PRDM11: variants seen among roughly 807,000 people sequenced by gnomAD.
PRDM11 encodes the protein PR domain-containing protein 11.
Under a neutral mutation model 97.8 loss-of-function variants are expected in PRDM11, and 20 were observed. The ratio of observed to expected loss-of-function variants is 0.20; its 90% confidence interval spans 0.14 to 0.30. The LOEUF (loss-of-function observed/expected upper bound fraction) is 0.30, where lower values mean the gene tolerates loss of function less well. PRDM11 is among the 10% of genes least tolerant of loss of function. The probability of loss-of-function intolerance (pLI) is 1.00; values close to 1 mark genes in which losing one functional copy is unlikely to be tolerated. For synonymous variants in PRDM11, 599 were observed against 637.7 expected (o/e 0.94, Z 0.91); for missense variants, 1,139 against 1,555.2 (o/e 0.73, Z 4.50).
intron 5 of PRDM11, chr11:45,212,786 G>A: frequency 2.2e-6 from 1 of 456,320 alleles, no homozygotes. Flanking sequence ...CGTGCACCGG[G>A]ACATGGCCAA....
intron 1 of PRDM11, among the ~76,000 whole-genome samples, chr11:45,122,202 G>GAC (rs756403475): frequency 0.023 from 3,395 of 145,082 alleles, 114 homozygotes; most frequent in East Asian, 0.071. Context: ...CACACACACA[G>GAC]ACACACACAC....
chr11:45,106,005 C>G (rs945328581), intron 1 of PRDM11, among the ~76,000 whole-genome samples: 1 of 152,206 alleles, frequency 6.6e-6, no homozygotes, highest in Admixed American at 6.5e-5. Flanking sequence ...TTTGCAAACT[C>G]AAATGTGCAA....
At chr11:45,193,740 C>A (rs562706811) in intron 4 of PRDM11, among the ~76,000 whole-genome samples, 1 of 152,190 alleles carries the variant, frequency 6.6e-6, no homozygotes, top group Non-Finnish European at 1.5e-5. Flanking sequence ...TGACATAGAA[C>A]GACAATCATT....
intron 4 of PRDM11, among the ~76,000 whole-genome samples, chr11:45,185,333 C>T (rs972744306): frequency 1.3e-5 from 2 of 152,166 alleles, no homozygotes; most frequent in African/African-American, 4.8e-5. Context: ...TTACAATGGA[C>T]AGAATAGTCC....
At chr11:45,162,766 C>T (rs1031102544) in intron 1 of PRDM11, among the ~76,000 whole-genome samples, 1 of 152,194 alleles carries the variant, frequency 6.6e-6, no homozygotes, top group African/African-American at 2.4e-5. Flanking sequence ...TATAAAGCCT[C>T]TGATGGTCGG....
intron 1 of PRDM11, 72 bp from the exon 2 acceptor site, chr11:45,181,689 C>T: frequency 7.5e-7 from 1 of 1,334,792 alleles, no homozygotes; most frequent in East Asian, 2.4e-5. Flanking sequence ...CACTTGCCCT[C>T]TCCGCCGCTC....
Position 45,227,151 on chromosome 11 carries a change from C to T in PRDM11, c.2526C>T (p.Tyr842=). ...TCCTCAACGCTCTCATCAAGGACTA[C>T]CTGGAGGTGGTGGCCCATCTCAAGG... The part of the protein sequence containing the change: ...QNVLNALIKD[Y]LEVVAHLKEV... Residue 842 remains tyrosine, a synonymous_variant, in exon 8 of 8, where the codon TAC becomes TAT. Transcript: ENST00000683152. This position sits in a 1 kb window ranked among gnomAD's most constrained non-coding sequence, Gnocchi z 8.0. The T allele has an allele frequency of 6.5e-7, 1 of 1,533,972 alleles. No individual in the cohort carries two copies. Among genetic ancestry groups the T allele is most frequent in the Non-Finnish European group, 8.7e-7 (1 of 1,146,728 alleles).
rs745677490 is a variant in PRDM11, at chr11:45,224,794, C to T, written c.1320C>T (p.Pro440=). ...AGTCTGGGAAACTTCCTGAGCCCCC[C>T]GTATTGCCACCACAGGTACTGGAGC... ...MLKSGKLPEP[P]VLPPQVLELP... Residue 440 remains proline, a synonymous_variant, in exon 7 of 8, where the codon CCC becomes CCT. Transcript: ENST00000683152. 24 of 1,614,070 alleles carry T rather than the reference C, an allele frequency of 1.5e-5. No individual in the cohort carries two copies. Among genetic ancestry groups the T allele is most frequent in the South Asian group, 8.8e-5 (8 of 91,090 alleles).
In PRDM11 at chr11:45,226,213, C is replaced by T; in HGVS notation, c.1588C>T (p.His530Tyr). The change falls in exon 8 of 8, where the codon CAC becomes TAC. Residue 530 changes from histidine (H) to tyrosine (Y), a missense_variant. Around this residue, in one of 2 missense-constraint regions of PRDM11, gnomAD observed 710 missense variants for 1,044.9 expected, o/e 0.68. Transcript: ENST00000683152. ...YSPTLNEMWCHVCRQYTVQSS... is the reference protein window; with the variant it reads ...YSPTLNEMWCYVCRQYTVQSS... ...CCCAACCCTCAATGAGATGTGGTGC[C>T]ACGTCTGCCGCCAGTACACGGTGCA... 1 of 1,533,858 alleles carries T rather than the reference C, an allele frequency of 6.5e-7. No homozygotes were observed. The highest frequency in any genetic ancestry group is 8.7e-7 in the Non-Finnish European group (1 of 1,146,640).
chr11:45,107,506 T>C (rs1852082520), intron 1 of PRDM11, among the ~76,000 whole-genome samples: 1 of 152,160 alleles, frequency 6.6e-6, no homozygotes, highest in African/African-American at 2.4e-5. Context: ...GAATGTCAAA[T>C]GTGGACAACT....
At chr11:45,225,058 C>T in intron 7 of PRDM11, 1 of 1,440,550 alleles carries the variant, frequency 6.9e-7, no homozygotes, top group Non-Finnish European at 9.1e-7. Flanking sequence ...GCCCTTGTAT[C>T]CTCCTTGTCA....
chr11:45,114,109 T>C (rs959102563), intron 1 of PRDM11, among the ~76,000 whole-genome samples: 9 of 152,054 alleles, frequency 5.9e-5, no homozygotes, highest in Admixed American at 3.3e-4. Flanking sequence ...GGAAGTGCAA[T>C]AGAACCACTC....
At chr11:45,139,138 C>G (rs1852940142) in intron 1 of PRDM11, among the ~76,000 whole-genome samples, 1 of 152,168 alleles carries the variant, frequency 6.6e-6, no homozygotes, top group Non-Finnish European at 1.5e-5. Context: ...AGTTGCAGAG[C>G]AAACCACTGA....
At chr11:45,191,350 C>G (rs1852906792) in intron 4 of PRDM11, among the ~76,000 whole-genome samples, 2 of 152,096 alleles carry the variant, frequency 1.3e-5, no homozygotes, top group Admixed American at 1.3e-4. Flanking sequence ...ATTGATGATT[C>G]TTGTCTGTAT....
At position 45,227,051 on chromosome 11, in the gene PRDM11, C is replaced by T; in HGVS notation, c.2426C>T (p.Ala809Val). Residue 809 changes from alanine to valine, a missense_variant, in exon 8 of 8, where the codon GCG (alanine) becomes GTG (valine). Ala to Val is a moderately conservative substitution (Grantham distance 64). Transcript: ENST00000683152. The surrounding 1 kb of genome is among the most constrained non-coding windows in gnomAD (Gnocchi z 8.0). ...CTCATGTGCGAGCTGCGGTCCACGG[C>T]GGCCACCCTTTGTGAGGAGACAGAG... Reference protein sequence around the residue: ...PRLMCELRSTAATLCEETEFL... With the variant: ...PRLMCELRSTVATLCEETEFL... The T allele has an allele frequency of 1.3e-6, 2 of 1,533,934 alleles. No individual in the cohort carries two copies. Among genetic ancestry groups the T allele is most frequent in the Non-Finnish European group, 1.7e-6 (2 of 1,146,728 alleles).
intron 1 of PRDM11, among the ~76,000 whole-genome samples, chr11:45,127,771 G>A (rs908664118): frequency 6.6e-5 from 10 of 152,262 alleles, no homozygotes; most frequent in African/African-American, 1.4e-4. Flanking sequence ...CTACCGGGGG[G>A]TGCCTCCCAG....
chr11:45,217,824 T>G (rs182824143), intron 5 of PRDM11, among the ~76,000 whole-genome samples: 7 of 152,352 alleles, frequency 4.6e-5, no homozygotes, highest in African/African-American at 1.7e-4. Context: ...ATATTTCTTT[T>G]CTTTATATGT....
At chr11:45,140,417 G>C (rs113159373) in intron 1 of PRDM11, among the ~76,000 whole-genome samples, 138 of 152,290 alleles carry the variant, frequency 9.1e-4, no homozygotes, top group African/African-American at 3.2e-3. Context: ...ATTCTTTCAC[G>C]ACAGTGCTCT....
chr11:45,120,944 T>C (rs1201386218), intron 1 of PRDM11, among the ~76,000 whole-genome samples: 2 of 152,150 alleles, frequency 1.3e-5, no homozygotes, highest in African/African-American at 4.8e-5. Flanking sequence ...GGTTCTTGCA[T>C]TGTTCAAGAA....
Sources: allele counts gnomAD v4.1 joint callset (sites outside exome capture counted in the v4.1 genomes callset), GRCh38; gene constraint gnomAD v4.1.1; regional missense constraint gnomAD v4.1.1; non-coding constraint Gnocchi (gnomAD v3.1); transcripts MANE v1.5; gene names NCBI Gene and HGNC (gene_info 2026-07-23, HGNC 2026-07-21).